CEP112: variants seen among roughly 807,000 people sequenced by gnomAD.
The protein encoded by CEP112 is centrosomal protein 112, also known as centrosomal protein of 112 kDa.
A neutral mutation model predicts 153.0 loss-of-function variants in CEP112; 127 were observed. The ratio of observed to expected loss-of-function variants is 0.83; its 90% CI spans 0.72 to 0.96. The LOEUF (loss-of-function observed/expected upper bound fraction) is 0.96, where lower values mean the gene tolerates loss of function less well. Among genes scored for constraint, CEP112 ranks in the 40% least tolerant of loss-of-function variants. CEP112 has a pLI of 0.00. For synonymous variants in CEP112, 358 were observed against 374.4 expected (o/e 0.96, Z 0.51); for missense variants, 1,089 against 1,101.2 (o/e 0.99, Z 0.16).
chr17:65,681,484 G>T (rs563806211), intron 24 of CEP112, among the ~76,000 whole-genome samples: 2 of 150,282 alleles, frequency 1.3e-5, no homozygotes, highest in East Asian at 2.0e-4. Flanking sequence ...TTGACTTCTG[G>T]ATTCAGATTT....
intron 6 of CEP112, among the ~76,000 whole-genome samples, chr17:66,115,514 C>T (rs1445199584): frequency 6.6e-6 from 1 of 152,202 alleles, no homozygotes; most frequent in Admixed American, 6.5e-5. Context: ...TAGAAATGTG[C>T]TCTTCTGGTC....
At chr17:65,965,665 G>A (rs2062387194) in intron 17 of CEP112, among the ~76,000 whole-genome samples, 1 of 151,708 alleles carries the variant, frequency 6.6e-6, no homozygotes, top group Admixed American at 6.6e-5. Context: ...GGGAATATAG[G>A]TGCAAGCCAC....
At chr17:65,718,923 G>C (rs1326941637) in intron 23 of CEP112, among the ~76,000 whole-genome samples, 1 of 152,198 alleles carries the variant, frequency 6.6e-6, no homozygotes, top group Non-Finnish European at 1.5e-5. Flanking sequence ...GCATCAGAGA[G>C]AGGTAGAGAG....
At chr17:65,865,379 ATAAG>A (rs1366472696) in intron 20 of CEP112, among the ~76,000 whole-genome samples, 1 of 152,166 alleles carries the variant, frequency 6.6e-6, no homozygotes, top group Non-Finnish European at 1.5e-5. Context: ...TGGCTCGTAT[ATAAG>A]TGAGATAACT....
chr17:65,737,459 C>T (rs968577547), intron 23 of CEP112, among the ~76,000 whole-genome samples: 2 of 152,058 alleles, frequency 1.3e-5, no homozygotes, highest in East Asian at 1.9e-4. Context: ...GTAGGGGAGA[C>T]GGATGTGGTA....
intron 18 of CEP112, among the ~76,000 whole-genome samples, chr17:65,945,588 A>C (rs1189735044): frequency 1.3e-5 from 2 of 152,116 alleles, no homozygotes. Flanking sequence ...GATGTGTAAT[A>C]GTATAGCATT....
intron 15 of CEP112, 117 bp from the exon 16 acceptor site, chr17:66,027,677 G>A: frequency 1.3e-6 from 1 of 781,340 alleles, no homozygotes; most frequent in East Asian, 5.5e-5. Context: ...TCAGAGTTTT[G>A]CATATGATTA....
intron 4 of CEP112, among the ~76,000 whole-genome samples, chr17:66,167,609 G>A (rs1447466546): frequency 1.3e-5 from 2 of 152,146 alleles, no homozygotes; most frequent in Non-Finnish European, 2.9e-5. Flanking sequence ...AGCTGCCCAG[G>A]ATTGCTGACG....
intron 19 of CEP112, among the ~76,000 whole-genome samples, chr17:65,912,089 TGATTTTCCACCCTAA>T (rs1219075718): frequency 2.0e-5 from 3 of 152,178 alleles, no homozygotes; most frequent in Non-Finnish European, 4.4e-5. Context: ...TAGAGGACTA[TGATTTTCCACCCTAA>T]GTGGAAAACT....
intron 6 of CEP112, among the ~76,000 whole-genome samples, chr17:66,109,851 T>A (rs1221101205): frequency 6.6e-6 from 1 of 152,126 alleles, no homozygotes; most frequent in East Asian, 1.9e-4. Context: ...GTGGGGCAAT[T>A]GGCAATTTAT....
intron 18 of CEP112, among the ~76,000 whole-genome samples, chr17:65,928,401 A>T (rs1002146399): frequency 2.0e-5 from 3 of 152,246 alleles, no homozygotes; most frequent in African/African-American, 4.8e-5. Context: ...ATAGAGTTAC[A>T]TGTGTCCCAG....
chr17:66,167,196 G>T (rs868453866), intron 4 of CEP112, among the ~76,000 whole-genome samples: 1 of 152,074 alleles, frequency 6.6e-6, no homozygotes, highest in South Asian at 2.1e-4. Context: ...ATGACCAACA[G>T]ACTTTAAGAT....
intron 8 of CEP112, among the ~76,000 whole-genome samples, chr17:66,091,772 A>G (rs1444357986): frequency 6.6e-6 from 1 of 152,168 alleles, no homozygotes. Flanking sequence ...GATAAACAAA[A>G]TTGACAAAAC....
intron 21 of CEP112, among the ~76,000 whole-genome samples, chr17:65,767,110 C>T (rs1171447194): frequency 6.6e-6 from 1 of 152,154 alleles, no homozygotes; most frequent in Non-Finnish European, 1.5e-5. Context: ...GCACATGGAA[C>T]ATTCTCCAGT....
At chr17:65,714,947 T>C (rs1318280793) in intron 23 of CEP112, among the ~76,000 whole-genome samples, 2 of 151,984 alleles carry the variant, frequency 1.3e-5, no homozygotes, top group Non-Finnish European at 2.9e-5. Context: ...ACCTGAATGA[T>C]GATACATGAT....
intron 16 of CEP112, among the ~76,000 whole-genome samples, chr17:66,009,828 G>T (rs2064436697): frequency 6.6e-6 from 1 of 152,044 alleles, no homozygotes. Flanking sequence ...CTATGTGTCT[G>T]TTTTGTACCA....
At chr17:65,963,650 G>A (rs542612588) in intron 17 of CEP112, among the ~76,000 whole-genome samples, 25 of 147,760 alleles carry the variant, frequency 1.7e-4, no homozygotes, top group African/African-American at 6.0e-4. Flanking sequence ...TATAGATATC[G>A]ATATAGATAT....
chr17:65,843,167 G>A (rs761558161), intron 21 of CEP112, among the ~76,000 whole-genome samples: 12 of 151,998 alleles, frequency 7.9e-5, no homozygotes, highest in South Asian at 4.1e-4. Context: ...CCAATTCATC[G>A]CATTCAAATT....
intron 21 of CEP112, among the ~76,000 whole-genome samples, chr17:65,771,919 T>G (rs185438043): frequency 6.6e-6 from 1 of 151,398 alleles, no homozygotes; most frequent in South Asian, 2.1e-4. Context: ...TACTTGGGAG[T>G]TGGGAGGTGG....
Sources: gnomAD v4.1 joint callset for allele counts (sites outside exome capture counted in the v4.1 genomes callset) on GRCh38, gnomAD v4.1.1 for gene constraint, MANE v1.5 for transcripts, NCBI Gene and HGNC (gene_info 2026-07-23, HGNC 2026-07-21) for gene names.